Variants in GRIK4 observed in about 807,000 individuals in gnomAD.
GRIK4 encodes the protein glutamate receptor ionotropic, kainate 4.
GRIK4 carries 40 observed loss-of-function variants against 104.9 expected under a neutral mutation model. The observed-to-expected ratio is 0.38, with a 90% confidence interval of 0.30 to 0.50. The LOEUF is 0.50. GRIK4 is among the 20% of genes least tolerant of loss of function. GRIK4 has a pLI of 0.93. For missense variants in GRIK4, 1,047 were observed against 1,308.1 expected (o/e 0.80, Z 3.08); for synonymous variants, 485 against 524.9 (o/e 0.92, Z 1.04).
chr11:120,961,308 G>A (rs553914709), intron 17 of GRIK4, among the ~76,000 whole-genome samples: 1 of 152,262 alleles, frequency 6.6e-6, no homozygotes, highest in South Asian at 2.1e-4. Context: ...TACTTGAGAT[G>A]ATTTTAGGTC....
chr11:120,859,923 T>G (rs1482688355), intron 8 of GRIK4, among the ~76,000 whole-genome samples: 2 of 152,230 alleles, frequency 1.3e-5, no homozygotes, highest in African/African-American at 4.8e-5. Context: ...TGTAAGCTAA[T>G]GAAGCTGGGC....
chr11:120,675,921 A>G (rs1363673186), intron 3 of GRIK4, among the ~76,000 whole-genome samples: 2 of 152,244 alleles, frequency 1.3e-5, no homozygotes, highest in Admixed American at 6.5e-5. Flanking sequence ...AGTGGCTTAA[A>G]TAAGACAAAA....
At chr11:120,965,581 C>T (rs684613) in intron 18 of GRIK4, among the ~76,000 whole-genome samples, 24,223 of 151,874 alleles carry the variant, frequency 0.16, 2,292 homozygotes, top group East Asian at 0.27. Context: ...TGACACACAT[C>T]CAGTGCTGCA....
chr11:120,728,811 G>T (rs1591840444), intron 3 of GRIK4, among the ~76,000 whole-genome samples: 1 of 151,834 alleles, frequency 6.6e-6, no homozygotes, highest in Non-Finnish European at 1.5e-5. Context: ...AATTATTATT[G>T]ACTATAGTCA....
chr11:120,968,618 T>C (rs1449611166), intron 19 of GRIK4, among the ~76,000 whole-genome samples: 1 of 152,104 alleles, frequency 6.6e-6, no homozygotes, highest in African/African-American at 2.4e-5. Context: ...TTTTTATAAT[T>C]TAAAGGAAAT....
chr11:120,844,985 A>C (rs752344184), intron 8 of GRIK4, among the ~76,000 whole-genome samples: 1 of 152,174 alleles, frequency 6.6e-6, no homozygotes, highest in Non-Finnish European at 1.5e-5. Flanking sequence ...TGGCCACACC[A>C]TGCCTGCCTT....
chr11:120,856,569 A>G (rs1954110149), intron 8 of GRIK4, among the ~76,000 whole-genome samples: 1 of 152,198 alleles, frequency 6.6e-6, no homozygotes, highest in African/African-American at 2.4e-5. Context: ...TTAAGAAATA[A>G]GGGAGTTGAG....
At chr11:120,537,336 G>T (rs1947987969) in intron 1 of GRIK4, among the ~76,000 whole-genome samples, 1 of 152,156 alleles carries the variant, frequency 6.6e-6, no homozygotes, top group African/African-American at 2.4e-5. Context: ...GTGGTCAGAG[G>T]CGGAAACTCA....
At chr11:120,935,973 TG>T (rs1350184199) in intron 13 of GRIK4, 5 of 196,792 alleles carry the variant, frequency 2.5e-5, no homozygotes, top group South Asian at 9.4e-5. Context: ...GGGTTGTGTA[TG>T]GGGGGGTGGG....
chr11:120,521,309 G>A (rs1475392782), intron 1 of GRIK4, among the ~76,000 whole-genome samples: 2 of 152,086 alleles, frequency 1.3e-5, no homozygotes, highest in African/African-American at 4.8e-5. Context: ...CTGAGCTCAA[G>A]TGATCCCTCA....
chr11:120,566,670 C>T (rs1192650147), intron 1 of GRIK4, among the ~76,000 whole-genome samples: 1 of 151,416 alleles, frequency 6.6e-6, no homozygotes, highest in East Asian at 1.9e-4. Flanking sequence ...AGTCTAGGGA[C>T]ATATCACAAG....
intron 1 of GRIK4, among the ~76,000 whole-genome samples, chr11:120,519,333 G>A (rs1947768346): frequency 6.6e-6 from 1 of 152,166 alleles, no homozygotes; most frequent in African/African-American, 2.4e-5. Context: ...GTATTAGGAG[G>A]TGGGGCATTT....
intron 3 of GRIK4, among the ~76,000 whole-genome samples, chr11:120,690,225 T>G (rs1283924736): frequency 6.6e-6 from 1 of 152,130 alleles, no homozygotes; most frequent in African/African-American, 2.4e-5. Flanking sequence ...GTGGCTTTAG[T>G]GTCTGGTGTT....
At chr11:120,701,023 C>G (rs1409732535) in intron 3 of GRIK4, among the ~76,000 whole-genome samples, 1 of 152,196 alleles carries the variant, frequency 6.6e-6, no homozygotes, top group Admixed American at 6.5e-5. Context: ...AGCCTAGGAG[C>G]AATACGCTGT....
At chr11:120,911,479 C>T (rs1160551406) in intron 13 of GRIK4, among the ~76,000 whole-genome samples, 2 of 147,982 alleles carry the variant, frequency 1.4e-5, no homozygotes, top group East Asian at 2.1e-4. Flanking sequence ...CCTCGTGATC[C>T]GCCCGTCTCG....
intron 3 of GRIK4, among the ~76,000 whole-genome samples, chr11:120,684,383 T>C (rs1950243099): frequency 1.3e-5 from 2 of 152,192 alleles, no homozygotes; most frequent in South Asian, 4.2e-4. Context: ...TTGATTTAAT[T>C]GATGGTCGGT....
chr11:120,540,072 G>A (rs1948016935), intron 1 of GRIK4, among the ~76,000 whole-genome samples: 1 of 152,120 alleles, frequency 6.6e-6, no homozygotes, highest in African/African-American at 2.4e-5. Context: ...CAAGAAAGGT[G>A]CTCACAAGGT....
intron 3 of GRIK4, among the ~76,000 whole-genome samples, chr11:120,726,695 G>C (rs1231825230): frequency 1.3e-5 from 2 of 152,158 alleles, no homozygotes; most frequent in Non-Finnish European, 2.9e-5. Context: ...AGTTAAATTT[G>C]AGACATCTAT....
intron 3 of GRIK4, among the ~76,000 whole-genome samples, chr11:120,702,272 T>G (rs1394008705): frequency 6.6e-6 from 1 of 152,064 alleles, no homozygotes; most frequent in East Asian, 1.9e-4. Flanking sequence ...GTTTTTACCT[T>G]GGTACTTACG....
Sources: allele counts gnomAD v4.1 joint callset (sites outside exome capture counted in the v4.1 genomes callset), GRCh38; gene constraint gnomAD v4.1.1; transcripts MANE v1.5; gene names NCBI Gene and HGNC (gene_info 2026-07-23, HGNC 2026-07-21).